PEG3: variants seen among roughly 807,000 people sequenced by gnomAD.
PEG3 encodes the protein paternally expressed 3.
Under a neutral mutation model 35.5 loss-of-function variants are expected in PEG3, and 23 were observed. The ratio of observed to expected loss-of-function variants is 0.65; its 90% CI spans 0.47 to 0.92. The LOEUF (loss-of-function observed/expected upper bound fraction) is 0.92. PEG3 is among the 40% of genes least tolerant of loss of function. The pLI is 0.00. For synonymous variants in PEG3, 707 were observed against 697.0 expected, an observed-to-expected ratio of 1.01 and a Z score of -0.23; for missense variants, 1,960 against 1,985.3, an observed-to-expected ratio of 0.99 and a Z score of 0.24.
rs143753429 is a variant in PEG3, at chr19:56,819,516, T to C, written c.670-814A>G. Among the ~76,000 whole-genome samples, 799 of 152,314 alleles carry C rather than the reference T, an allele frequency of 5.2e-3. 10 individuals carry two copies. Among genetic ancestry groups the C allele is most frequent in the African/African-American group, 0.018 (768 of 41,580 alleles). The stretch of plus-strand genomic sequence containing the variant: ...GTCATGGTCCCAGGAAGAATGGCAC[T>C]GAGGCTGGAGAGAGACTTGAGGAGG... On this transcript the variant is annotated intron_variant, in intron 7 of 9. Transcript: ENST00000326441.
intron 1 of PEG3, among the ~76,000 whole-genome samples, chr19:56,838,126 T>G (rs3795005): frequency 0.18 from 27,945 of 152,124 alleles, 3,239 homozygotes; most frequent in Non-Finnish European, 0.25. Context: ...GGCGGGGCCA[T>G]GCAGACCCCG....
At position 56,823,663 on chromosome 19, in the gene PEG3, G is replaced by C; in HGVS notation, c.411C>G (p.Asp137Glu). The C allele has an allele frequency of 1.2e-6, 2 of 1,614,122 alleles. No homozygotes were observed. Among genetic ancestry groups the C allele is most frequent in the Non-Finnish European group, 1.7e-6 (2 of 1,180,016 alleles). The change falls in exon 5 of 10, where the codon GAC becomes GAG. Residue 137 changes from aspartate to glutamate, a missense_variant. Asp to Glu is a conservative substitution (Grantham distance 45). This residue lies in a region of PEG3 where 613 missense variants were observed against 577.1 expected (regional missense o/e 1.06). Transcript: ENST00000326441. ...GGGTCATGTCGTCGTCGCTGGTCAC[G>C]TCACTGTTGTTGTCGTCTAAGAGGA... ...MYQPEDDNNS[D>E]VTSDDDMTRN...
chr19:56,815,898 A>G lies in PEG3; in HGVS notation c.2544T>C (p.Asn848=), dbSNP rs929568888. 1.2e-6 allele frequency: 2 copies of G among 1,612,844 alleles called. No individual in the cohort carries two copies. The highest frequency in any genetic ancestry group is 1.7e-6 in the Non-Finnish European group (2 of 1,179,250). The change falls in exon 10 of 10, where the codon AAT becomes AAC. Residue 848 remains asparagine (N), a synonymous_variant. Coordinates refer to ENST00000326441, the MANE Select transcript of PEG3 (RefSeq NM_006210.3). ...LVASKPPRSH[N]GNELVESNEK... is the part of the protein sequence containing the mutation. ...CATTAGATTCCACCAATTCATTTCC[A>G]TTGTGACTTCTTGGAGGTTTGGAAG...
At position 56,822,789 on chromosome 19, in the gene PEG3, G is replaced by A. The variant is rs775889805; in HGVS notation, c.529C>T (p.Arg177Ter). 2.5e-6 allele frequency: 4 copies of A among 1,614,122 alleles called. No individual in the cohort carries two copies. Among genetic ancestry groups the A allele is most frequent in the African/African-American group, 1.3e-5 (1 of 75,032 alleles). ...TTCCTGGTGTGGGACCAGCGGTCTC[G>A]TGGCTCCATGTCTCTGCTTCTGCCC... ...RRGRSRDMEP[R>*]DRWSHTRNPR... Residue 177 changes from arginine (R) to a stop codon, truncating the protein, a stop_gained, in exon 6 of 10, where the codon CGA (arginine) becomes TGA (stop). Coordinates refer to ENST00000326441, the MANE Select transcript of PEG3 (RefSeq NM_006210.3). LOFTEE classifies it high-confidence loss of function.
intron 2 of PEG3, among the ~76,000 whole-genome samples, chr19:56,831,767 C>G (rs1270145948): frequency 6.6e-6 from 1 of 152,220 alleles, no homozygotes; most frequent in South Asian, 2.1e-4. Context: ...GCAAAACATT[C>G]ACCATAGAAA....
chr19:56,811,966 C>A lies in PEG3; in HGVS notation c.*1709G>T, dbSNP rs915089261. 4 of 985,428 alleles carry A rather than the reference C, an allele frequency of 4.1e-6. No homozygotes were observed. The highest frequency in any genetic ancestry group is 5.2e-4 in the Middle Eastern group (1 of 1,914). 61.0% of individuals were successfully genotyped at this position (985,428 alleles called of 1,614,324 possible). A position where few individuals can be genotyped will look rare whatever the true frequency, so the allele number is the denominator to read the frequency against. ...TGCTTCTTGCTCTCAGCTCTACAAT[C>A]TTCCTAAACTTTGACACTCCCTGCA... On this transcript the variant is annotated 3_prime_UTR_variant, in exon 10 of 10. Coordinates refer to ENST00000326441, the MANE Select transcript of PEG3 (RefSeq NM_006210.3).
chr19:56,812,992 AAAG>A lies in PEG3; in HGVS notation c.*680_*682del, dbSNP rs1366035435. ...GTTGGCGCAGATGAAATGGCTGCAG[AAAG>A]AAGCTAAAGTACTTATCTTTTCAAA... is the stretch of plus-strand genomic sequence containing the variant. On this transcript the variant is annotated 3_prime_UTR_variant, in exon 10 of 10. Transcript: ENST00000326441. The A allele has an allele frequency of 1.4e-5, 14 of 985,812 alleles. No homozygotes were observed. In the African/African-American group the frequency reaches 2.4e-4, roughly 17 times the overall value. 61.1% of individuals were successfully genotyped at this position (985,812 alleles called of 1,614,324 possible).
In PEG3 at chr19:56,811,723, T is replaced by A; in HGVS notation, c.*1952A>T. On this transcript the variant is annotated 3_prime_UTR_variant, in exon 10 of 10. Transcript: ENST00000326441. ...CCTCACTGCCCCTCAGCTTTCCCGA[T>A]GTCCGTTCCAACCTCAGTCCTTCCT... 1 of 985,608 alleles carries A rather than the reference T, an allele frequency of 1.0e-6. No homozygotes were observed. Among genetic ancestry groups the A allele is most frequent in the Non-Finnish European group, 1.2e-6 (1 of 830,026 alleles). 61.1% of individuals were successfully genotyped at this position (985,608 alleles called of 1,614,324 possible). A position where few individuals can be genotyped will look rare whatever the true frequency, so the allele number is the denominator to read the frequency against.
chr19:56,830,538 G>GT, intron 2 of PEG3, among the ~76,000 whole-genome samples: 1 of 152,192 alleles, frequency 6.6e-6, no homozygotes, highest in Non-Finnish European at 1.5e-5. Flanking sequence ...GGACAAGGAA[G>GT]GGACAGCTAT....
At position 56,815,044 on chromosome 19, in the gene PEG3, C is replaced by T. The variant is rs766636344; in HGVS notation, c.3398G>A (p.Cys1133Tyr). The change falls in exon 10 of 10, where the codon TGC becomes TAC. Residue 1133 changes from cysteine to tyrosine, a missense_variant. Cys to Tyr is a radical substitution (Grantham distance 194). Around this residue, in one of 5 missense-constraint regions of PEG3, gnomAD observed 124 missense variants for 179.6 expected, o/e 0.69. Coordinates refer to ENST00000326441, the MANE Select transcript of PEG3 (RefSeq NM_006210.3). ...TDHQKVHSRK[C>Y]LVDSREYTHS... ...TGTGTACTCCCGACTGTCAACCAGG[C>T]ACTTCCTGCTGTGGACTTTCTGATG... The T allele has an allele frequency of 5.6e-6, 9 of 1,614,172 alleles. No individual in the cohort carries two copies. In the South Asian group the frequency reaches 8.8e-5, roughly 16 times the overall value.
chr19:56,829,670 G>T (rs1430935916), intron 2 of PEG3, among the ~76,000 whole-genome samples: 1 of 152,202 alleles, frequency 6.6e-6, no homozygotes, highest in Non-Finnish European at 1.5e-5. Flanking sequence ...CTTCCTGGCC[G>T]AGTGGCCCAA....
chr19:56,824,481 C>T lies in PEG3; in HGVS notation c.175G>A (p.Gly59Arg). The T allele has an allele frequency of 6.2e-7, 1 of 1,614,048 alleles. No individual in the cohort carries two copies. Among genetic ancestry groups the T allele is most frequent in the Non-Finnish European group, 8.5e-7 (1 of 1,180,010 alleles). ...FRNLIYVEFVGPRKTLIKLRN... is the reference protein window; with the variant it reads ...FRNLIYVEFVRPRKTLIKLRN... Reference sequence around the variant, plus strand: ...AGTTTGATCAGGGTCTTCCGAGGCCCAACAAATTCCACATAGATTAGGTTC... The same window carrying T: ...AGTTTGATCAGGGTCTTCCGAGGCCTAACAAATTCCACATAGATTAGGTTC... The change falls in exon 4 of 10, where the codon GGG becomes AGG. Residue 59 changes from glycine to arginine, a missense_variant. Coordinates refer to ENST00000326441, the MANE Select transcript of PEG3 (RefSeq NM_006210.3).
rs764449273 is a variant in PEG3, at chr19:56,816,346, T to C, written c.2096A>G (p.Glu699Gly). Residue 699 changes from glutamate (E) to glycine (G), a missense_variant, in exon 10 of 10, where the codon GAG becomes GGG. Physicochemically the swap from Glu to Gly is moderately conservative, Grantham distance 98. Transcript: ENST00000326441. Reference sequence around the variant, plus strand: ...ATGAATTTTCTGATGCTCACTGAGCTCTGAGCTTTGCATGAAGGCATCCCG... The same window carrying C: ...ATGAATTTTCTGATGCTCACTGAGCCCTGAGCTTTGCATGAAGGCATCCCG... Reference protein sequence around the residue: ...DGRDAFMQSSELSEHQKIHSR... With the variant: ...DGRDAFMQSSGLSEHQKIHSR... The C allele has an allele frequency of 1.2e-6, 2 of 1,614,054 alleles. No individual in the cohort carries two copies. Among genetic ancestry groups the C allele is most frequent in the Admixed American group, 3.3e-5 (2 of 60,002 alleles).
chr19:56,813,963 A>G lies in PEG3; in HGVS notation c.4479T>C (p.Gly1493=). ...CTTCTACCTGAATCTCTTGATCTTC[A>G]CCTTCTTCTGGGTCTTCAATTCCCA... ...DGVGIEDPEE[G]EDQEIQVEEP... The change falls in exon 10 of 10, where the codon GGT becomes GGC. Residue 1493 remains glycine, a synonymous_variant. Coordinates refer to ENST00000326441, the MANE Select transcript of PEG3 (RefSeq NM_006210.3). The G allele has an allele frequency of 6.2e-7, 1 of 1,613,884 alleles. No homozygotes were observed. Among genetic ancestry groups the G allele is most frequent in the Non-Finnish European group, 8.5e-7 (1 of 1,179,942 alleles).
chr19:56,828,789 A>T (rs1476917933), intron 2 of PEG3, among the ~76,000 whole-genome samples: 1 of 152,252 alleles, frequency 6.6e-6, no homozygotes, highest in Non-Finnish European at 1.5e-5. Context: ...AAGGCCGGTT[A>T]CTTAACATCA....
chr19:56,827,033 A>G (rs2061106046), intron 2 of PEG3, among the ~76,000 whole-genome samples: 1 of 152,232 alleles, frequency 6.6e-6, no homozygotes, highest in South Asian at 2.1e-4. Flanking sequence ...ACCTGACTCA[A>G]GAAGCAGAGA....
Position 56,814,360 on chromosome 19 carries a change from T to A in PEG3, c.4082A>T (p.Asp1361Val). ...KELHLEEEEE[D>V]EAAAAAAAAA... ...TGCTGCTGCAGCTGCTGCTGCTTCA[T>A]CTTCTTCTTCTTCTTCCAGATGAAG... is the stretch of plus-strand genomic sequence containing the variant. The change falls in exon 10 of 10, where the codon GAT becomes GTT. Residue 1361 changes from aspartate to valine, a missense_variant. This residue lies in a region of PEG3 where 416 missense variants were observed against 416.7 expected (regional missense o/e 1.00). Coordinates refer to ENST00000326441, the MANE Select transcript of PEG3 (RefSeq NM_006210.3). This position sits in a 1 kb window ranked among gnomAD's most constrained non-coding sequence, Gnocchi z 5.8. The A allele has an allele frequency of 6.2e-7, 1 of 1,603,278 alleles. No individual in the cohort carries two copies. The highest frequency in any genetic ancestry group is 1.1e-5 in the South Asian group (1 of 90,754).
rs189931070 is a variant in PEG3 at position 56,823,366 on chromosome 19, C to T, written c.481+227G>A. Among the ~76,000 whole-genome samples, 3 of 152,308 alleles carry T rather than the reference C, an allele frequency of 2.0e-5. No homozygotes were observed. In the East Asian group the frequency reaches 5.8e-4, roughly 29 times the overall value. ...TGCAAATTCCAAATAGCTTTATATA[C>T]TTTATCGTTGAATAAAACGGTATTA... On this transcript the variant is annotated intron_variant, in intron 5 of 9. Coordinates refer to ENST00000326441, the MANE Select transcript of PEG3 (RefSeq NM_006210.3).
intron 1 of PEG3, among the ~76,000 whole-genome samples, chr19:56,837,126 G>A (rs1168164869): frequency 6.6e-6 from 1 of 152,094 alleles, no homozygotes; most frequent in Non-Finnish European, 1.5e-5. Flanking sequence ...CTAGGACTCC[G>A]TAGGAGAGCT....
Sources: gnomAD v4.1 joint callset for allele counts (sites outside exome capture counted in the v4.1 genomes callset) on GRCh38, gnomAD v4.1.1 for gene constraint, gnomAD v4.1.1 regional missense constraint, Gnocchi (gnomAD v3.1) non-coding constraint, MANE v1.5 for transcripts, NCBI Gene and HGNC (gene_info 2026-07-23, HGNC 2026-07-21) for gene names.